HSPA8: variants seen among roughly 807,000 people sequenced by gnomAD.
HSPA8 encodes heat shock protein family A (Hsp70) member 8, also known as heat shock cognate 71 kDa protein.
In HSPA8, 2 loss-of-function variants were observed where a neutral mutation model predicts 52.8. The observed-to-expected ratio is 0.04, with a 90% CI of 0.02 to 0.12. The LOEUF is 0.12. Among genes scored for constraint, HSPA8 ranks in the 10% least tolerant of loss-of-function variants. HSPA8 has a pLI of 1.00. For synonymous variants in HSPA8, 436 were observed against 274.0 expected (o/e 1.59, Z -5.84); for missense variants, 349 against 800.5 (o/e 0.44, Z 6.81).
rs891070381 is a variant in HSPA8, at chr11:123,062,099, C to G, written c.-41G>C. 2 of 152,818 alleles carry G rather than the reference C, an allele frequency of 1.3e-5. No homozygotes were observed. The highest frequency in any genetic ancestry group is 2.4e-5 in the African/African-American group (1 of 41,420). 9.5% of individuals were successfully genotyped at this position (152,818 alleles called of 1,614,324 possible). The stretch of plus-strand genomic sequence containing the variant: ...GGCCTGGCTCCAATAACGAAGGAAG[C>G]CACAAAAAACCCAAGAGCTGCAGGC... On this transcript the variant is annotated 5_prime_UTR_variant, in exon 1 of 9. Coordinates refer to ENST00000534624, the MANE Select transcript of HSPA8 (RefSeq NM_006597.6).
chr11:123,062,109 C>T lies in HSPA8; in HGVS notation c.-51G>A, dbSNP rs2276077. 9,785 of 152,970 alleles carry T rather than the reference C, an allele frequency of 0.064. 382 individuals are homozygous for T. Among genetic ancestry groups the T allele is most frequent in the Admixed American group, 0.13 (2,002 of 15,308 alleles). The allele number at this position is 152,970 out of a possible 1,614,324, so 9.5% of individuals were successfully genotyped here. A position where few individuals can be genotyped will look rare whatever the true frequency, so the allele number is the denominator to read the frequency against. On this transcript the variant is annotated 5_prime_UTR_variant, in exon 1 of 9. Coordinates refer to ENST00000534624, the MANE Select transcript of HSPA8 (RefSeq NM_006597.6). The stretch of plus-strand genomic sequence containing the variant: ...CAATAACGAAGGAAGCCACAAAAAA[C>T]CCAAGAGCTGCAGGCGAGTTCAATG...
chr11:123,061,351 T>C (rs539199549), intron 1 of HSPA8, 22 bp from the exon 2 acceptor site: 12 of 1,575,118 alleles, frequency 7.6e-6, no homozygotes, highest in Admixed American at 3.4e-5. Context: ...AAAAATCTGG[T>C]TTAAAAATTC....
At position 123,061,071 on chromosome 11, in the gene HSPA8, C is replaced by G. The variant is rs768851917; in HGVS notation, c.205+49G>C. On this transcript the variant is annotated intron_variant, in intron 2 of 8. Transcript: ENST00000534624. ...TCCTCACGTTTCATAAACTTTTGTG[C>G]TTCCTAGCCCTGTTATATTTGTTCT... is the stretch of plus-strand genomic sequence containing the variant. 33 of 1,512,648 alleles carry G rather than the reference C, an allele frequency of 2.2e-5. 1 individual carries two copies. The South Asian group carries it at 3.6e-4, about 17-fold the overall frequency. 93.7% of individuals were successfully genotyped at this position (1,512,648 alleles called of 1,614,324 possible). A position where few individuals can be genotyped will look rare whatever the true frequency, so the allele number is the denominator to read the frequency against.
rs1490357998 is a variant in HSPA8, at chr11:123,058,767, CTG to C, written c.1385_1386del (p.Thr462ArgfsTer13). 1 of 1,614,106 alleles carries C rather than the reference CTG, an allele frequency of 6.2e-7. No individual in the cohort carries two copies. Among genetic ancestry groups the C allele is most frequent in the South Asian group, 1.1e-5 (1 of 91,080 alleles). On this transcript the variant is annotated frameshift_variant, in exon 7 of 9. Transcript: ENST00000534624. LOFTEE classifies it high-confidence loss of function. ...DNNLLGKFEL[T>X]GIPPAPRGVP... is the part of the protein sequence containing the mutation. ...ACACCTCGGGGTGCAGGAGGTATGC[CTG>C]TGAGTTCAAACTTGCCAAGCAGGTT...
At chr11:123,058,225 G>GGA (rs1865371619) in intron 8 of HSPA8, 27 bp downstream of exon 8, 1 of 1,024,620 alleles carries the variant, frequency 9.8e-7, no homozygotes, top group Admixed American at 2.3e-5. Flanking sequence ...GAGTGGGGGA[G>GGA]GAAAAAAAAA....
chr11:123,059,037 CAA>C lies in HSPA8; in HGVS notation c.1323+20_1323+21del, dbSNP rs757838278. 62 of 1,599,718 alleles carry C rather than the reference CAA, an allele frequency of 3.9e-5. No individual in the cohort carries two copies. Among genetic ancestry groups the C allele is most frequent in the African/African-American group, 2.8e-4 (21 of 74,694 alleles). ...CTTTATCTGTTATCAGTAAGCCAAA[CAA>C]GAGAAGTACAGAAACATACCTGAAT... On this transcript the variant is annotated intron_variant, in intron 6 of 8. Transcript: ENST00000534624.
rs1865375234 is a variant in HSPA8 at position 123,058,240 on chromosome 11, A to AAAAC, written c.1755+11_1755+12insGTTT. ...GAGTGGGGGAGGAAAAAAAAAAAAA[A>AAAAC]AAAACACAAACCTGATTCTTATCAA... is the stretch of plus-strand genomic sequence containing the variant. On this transcript the variant is annotated intron_variant, in intron 8 of 8. Transcript: ENST00000534624. 6 of 1,516,026 alleles carry AAAAC rather than the reference A, an allele frequency of 4.0e-6. No homozygotes were observed. Among genetic ancestry groups the AAAAC allele is most frequent in the African/African-American group, 1.4e-5 (1 of 70,988 alleles). The allele number at this position is 1,516,026 out of a possible 1,614,324, so 93.9% of individuals were successfully genotyped here. A position where few individuals can be genotyped will look rare whatever the true frequency, so the allele number is the denominator to read the frequency against.
chr11:123,059,857 T>C lies in HSPA8; in HGVS notation c.736A>G (p.Lys246Glu). 6.2e-7 allele frequency: 1 copy of C among 1,613,444 alleles called. No homozygotes were observed. Among genetic ancestry groups the C allele is most frequent in the Non-Finnish European group, 8.5e-7 (1 of 1,179,870 alleles). ...CTGATGTCCTTCTTATGCTTGCGCT[T>C]AAACTCAGCAATAAAATGGTTGACC... ...RMVNHFIAEFKRKHKKDISEN... is the reference protein window; with the variant it reads ...RMVNHFIAEFERKHKKDISEN... Residue 246 changes from lysine to glutamate, a missense_variant, in exon 5 of 9, where the codon AAG (lysine) becomes GAG (glutamate). Lys to Glu is a moderately conservative substitution (Grantham distance 56). Transcript: ENST00000534624.
At chr11:123,060,871 C>A in intron 2 of HSPA8, 73 bp from the exon 3 acceptor site, 2 of 1,361,982 alleles carry the variant, frequency 1.5e-6, no homozygotes, top group Non-Finnish European at 2.1e-6. Flanking sequence ...CATGATTACT[C>A]AAATACCTAA....
Position 123,062,111 on chromosome 11 carries a change from C to T in HSPA8, c.-53G>A, listed in dbSNP as rs190423677. 1.7e-3 allele frequency: 256 copies of T among 153,084 alleles called. 1 individual carries two copies. Among genetic ancestry groups the T allele is most frequent in the Admixed American group, 4.4e-3 (68 of 15,314 alleles). 9.5% of individuals were successfully genotyped at this position (153,084 alleles called of 1,614,324 possible). ...ATAACGAAGGAAGCCACAAAAAACC[C>T]AAGAGCTGCAGGCGAGTTCAATGAG... is the stretch of plus-strand genomic sequence containing the variant. On this transcript the variant is annotated 5_prime_UTR_variant, in exon 1 of 9. Coordinates refer to ENST00000534624, the MANE Select transcript of HSPA8 (RefSeq NM_006597.6).
rs1157804980 is a variant in HSPA8 at position 123,060,173 on chromosome 11, T to C, written c.507A>G (p.Val169=). ...KDAGTIAGLN[V]LRIINEPTAA... ...CAGTTGGCTCATTAATAATTCTAAGTACATTGAGACCAGCAATAGTTCCAG... is the reference window on the plus strand; with the variant it reads ...CAGTTGGCTCATTAATAATTCTAAGCACATTGAGACCAGCAATAGTTCCAG... The change falls in exon 4 of 9, where the codon GTA becomes GTG. Residue 169 remains valine, a synonymous_variant. Transcript: ENST00000534624. 1.9e-6 allele frequency: 3 copies of C among 1,614,012 alleles called. No homozygotes were observed. The highest frequency in any genetic ancestry group is 2.5e-6 in the Non-Finnish European group (3 of 1,180,008).
At chr11:123,060,400 T>A in intron 3 of HSPA8, 132 bp from the exon 4 acceptor site, 1 of 996,116 alleles carries the variant, frequency 1.0e-6, no homozygotes, top group Non-Finnish European at 1.5e-6. Flanking sequence ...TACTGTGTAA[T>A]TGTCAAGATT....
chr11:123,061,435 G>GT (rs1220515159), intron 1 of HSPA8, 106 bp from the exon 2 acceptor site: 19 of 835,828 alleles, frequency 2.3e-5, no homozygotes, highest in African/African-American at 1.7e-5. Context: ...CTGCCAAGAG[G>GT]TAATAGTGCC....
rs768479550 is a variant in HSPA8 at position 123,061,333 on chromosome 11, A to C, written c.-5-4T>G. ...GCAGGTCCCTTGGACATGGTTGCTG[A>C]AAAAAAGAAAAATCTGGTTTAAAAA... On this transcript the variant is annotated splice_region_variant and splice_polypyrimidine_tract_variant and intron_variant, in intron 1 of 8. Coordinates refer to ENST00000534624, the MANE Select transcript of HSPA8 (RefSeq NM_006597.6). 1.3e-6 allele frequency: 2 copies of C among 1,597,124 alleles called. No individual in the cohort carries two copies. Among genetic ancestry groups the C allele is most frequent in the Non-Finnish European group, 1.7e-6 (2 of 1,173,150 alleles).
intron 1 of HSPA8, 182 bp from the exon 2 acceptor site, chr11:123,061,511 AC>A (rs1865501159): frequency 1.6e-6 from 1 of 609,188 alleles, no homozygotes; most frequent in Non-Finnish European, 2.9e-6. Flanking sequence ...TGCCGTGCCA[AC>A]CGCAGCAGAG....
At chr11:123,061,964 CGAGA>C (rs1311189227) in intron 1 of HSPA8, 96 bp downstream of exon 1, 1 of 153,328 alleles carries the variant, frequency 6.5e-6, no homozygotes, top group Non-Finnish European at 1.4e-5. Context: ...CTCGCCTCGA[CGAGA>C]TTCTCAGAAC....
In HSPA8 at chr11:123,060,295, TG is replaced by T. The variant is rs1327280240; in HGVS notation, c.412-28del. On this transcript the variant is annotated intron_variant, in intron 3 of 8. Coordinates refer to ENST00000534624, the MANE Select transcript of HSPA8 (RefSeq NM_006597.6). ...TAGGAATAAGGAAAAGACCACAGAT[TG>T]GTAACTATTATACTTACATATATGC... 7 of 1,607,122 alleles carry T rather than the reference TG, an allele frequency of 4.4e-6. No individual in the cohort carries two copies. In the African/African-American group the frequency reaches 8.0e-5, roughly 18 times the overall value.
At chr11:123,059,020 G>GT in intron 6 of HSPA8, 39 bp downstream of exon 6, 1 of 1,560,014 alleles carries the variant, frequency 6.4e-7, no homozygotes, top group African/African-American at 1.4e-5. Flanking sequence ...CCCTTTATCT[G>GT]TTATCAGTAA....
intron 8 of HSPA8, 137 bp downstream of exon 8, chr11:123,058,115 G>A (rs918001110): frequency 2.8e-6 from 2 of 725,570 alleles, no homozygotes; most frequent in African/African-American, 1.8e-5. Context: ...CCAACACCTT[G>A]AATTCTGGTG....
Sources: allele counts gnomAD v4.1 joint callset, GRCh38; gene constraint gnomAD v4.1.1; transcripts MANE v1.5; gene names NCBI Gene and HGNC (gene_info 2026-07-23, HGNC 2026-07-21).